The following EFR3A variants were observed in gnomAD, a reference collection of about 807,000 sequenced individuals.
EFR3A encodes EFR3 homolog A, also known as protein EFR3 homolog A.
In EFR3A, 76 loss-of-function variants were observed where a neutral mutation model predicts 104.4. The ratio of observed to expected loss-of-function variants is 0.73; its 90% CI spans 0.60 to 0.88. The LOEUF (loss-of-function observed/expected upper bound fraction) is 0.88. Among genes scored for constraint, EFR3A ranks in the 40% least tolerant of loss-of-function variants. The pLI is 0.00. For missense variants in EFR3A, 985 were observed against 1,012.5 expected, an observed-to-expected ratio of 0.97 and a Z score of 0.37; for synonymous variants, 330 against 330.0, an observed-to-expected ratio of 1.00 and a Z score of 0.00.
chr8:132,010,284 C>A (rs1822263047), intron 22 of EFR3A, among the ~76,000 whole-genome samples: 1 of 151,020 alleles, frequency 6.6e-6, no homozygotes, highest in South Asian at 2.1e-4. Context: ...AGACTATAAA[C>A]CAAGGTGACA....
chr8:131,997,647 A>G (rs527274368), intron 19 of EFR3A, among the ~76,000 whole-genome samples: 2 of 152,174 alleles, frequency 1.3e-5, no homozygotes, highest in Admixed American at 1.3e-4. Flanking sequence ...TTTAATTTAT[A>G]CACTCCTTAC....
At chr8:131,977,477 C>G (rs1169624437) in intron 12 of EFR3A, among the ~76,000 whole-genome samples, 1 of 151,758 alleles carries the variant, frequency 6.6e-6, no homozygotes, top group African/African-American at 2.4e-5. Context: ...TCATACTGAC[C>G]AAATAATTGC....
At chr8:131,924,720 A>T (rs1586542847) in intron 1 of EFR3A, among the ~76,000 whole-genome samples, 1 of 152,264 alleles carries the variant, frequency 6.6e-6, no homozygotes, top group Admixed American at 6.5e-5. Flanking sequence ...TGTCCTAATC[A>T]GTCCAACTCA....
intron 1 of EFR3A, among the ~76,000 whole-genome samples, chr8:131,906,897 TAAG>T (rs1313601645): frequency 1.1e-4 from 17 of 152,342 alleles, no homozygotes; most frequent in East Asian, 1.9e-4. Flanking sequence ...AAAGGACCAT[TAAG>T]AAGCGTTTTA....
At chr8:131,952,213 G>A (rs1049109497) in intron 5 of EFR3A, among the ~76,000 whole-genome samples, 1 of 152,072 alleles carries the variant, frequency 6.6e-6, no homozygotes, top group Non-Finnish European at 1.5e-5. Context: ...CTAACACTGA[G>A]TGCTTTCTGT....
In EFR3A at chr8:131,944,914, T is replaced by C. The variant is rs750346436; in HGVS notation, c.215+42T>C. 1.4e-5 allele frequency: 23 copies of C among 1,588,248 alleles called. No individual in the cohort carries two copies. In the East Asian group the frequency reaches 5.2e-4, roughly 36 times the overall value. ...CTGCTAAAATAGTATCTTTGGAAAA[T>C]TCTTTCTAGACTTTTAAATCATTCT... On this transcript the variant is annotated intron_variant, in intron 3 of 22. Coordinates refer to ENST00000254624, the MANE Select transcript of EFR3A (RefSeq NM_015137.6).
chr8:131,988,181 TGTGAA>T (rs370905700), intron 18 of EFR3A, among the ~76,000 whole-genome samples: 51,091 of 151,780 alleles, frequency 0.34, 8,977 homozygotes, highest in East Asian at 0.61. Context: ...ATATTTTCTC[TGTGAA>T]CTATATATTT....
At chr8:131,963,546 C>T (rs1053903771) in intron 8 of EFR3A, among the ~76,000 whole-genome samples, 1 of 152,100 alleles carries the variant, frequency 6.6e-6, no homozygotes, top group Non-Finnish European at 1.5e-5. Context: ...CTGAATAGAC[C>T]AATAACAGGC....
At chr8:131,961,872 T>C (rs925935661) in intron 8 of EFR3A, among the ~76,000 whole-genome samples, 92 of 152,260 alleles carry the variant, frequency 6.0e-4, no homozygotes, top group South Asian at 1.7e-3. Flanking sequence ...TGGCAGAAAC[T>C]CTACAAGCCA....
chr8:131,945,948 G>C (rs557324791), intron 3 of EFR3A, among the ~76,000 whole-genome samples: 1 of 151,836 alleles, frequency 6.6e-6, no homozygotes, highest in Non-Finnish European at 1.5e-5. Flanking sequence ...CCCTGCCCTC[G>C]CAACCGCACT....
At chr8:131,921,827 A>G (rs1392897628) in intron 1 of EFR3A, among the ~76,000 whole-genome samples, 2 of 152,188 alleles carry the variant, frequency 1.3e-5, no homozygotes, top group Admixed American at 1.3e-4. Flanking sequence ...ACCTGAAGTC[A>G]TTTTGGCATT....
At chr8:131,990,301 CTAT>C in intron 18 of EFR3A, among the ~76,000 whole-genome samples, 1 of 152,254 alleles carries the variant, frequency 6.6e-6, no homozygotes, top group African/African-American at 2.4e-5. Flanking sequence ...GACTATTCAG[CTAT>C]TATTAGGGAC....
At chr8:131,959,525 T>A in intron 7 of EFR3A, 60 bp from the exon 8 acceptor site, 1 of 1,397,324 alleles carries the variant, frequency 7.2e-7, no homozygotes, top group African/African-American at 1.4e-5. Context: ...TTGTTGAGGT[T>A]TCTAGAGGAA....
At chr8:131,969,951 A>T (rs1179107665) in intron 9 of EFR3A, among the ~76,000 whole-genome samples, 1 of 152,214 alleles carries the variant, frequency 6.6e-6, no homozygotes, top group Non-Finnish European at 1.5e-5. Context: ...ATAGAAACAC[A>T]TGCAGAGGAT....
At chr8:131,987,745 A>T (rs561614824) in intron 18 of EFR3A, 43 bp downstream of exon 18, 13 of 1,535,040 alleles carry the variant, frequency 8.5e-6, no homozygotes, top group South Asian at 3.8e-5. Flanking sequence ...GTGATTGCTT[A>T]TGTTATAGTA....
intron 11 of EFR3A, 27 bp downstream of exon 11, chr8:131,976,168 C>T: frequency 7.3e-7 from 1 of 1,375,240 alleles, no homozygotes; most frequent in Non-Finnish European, 1.0e-6. Context: ...TAAATTTGAA[C>T]TTAATCTTGA....
intron 8 of EFR3A, among the ~76,000 whole-genome samples, chr8:131,963,191 G>A (rs1819493819): frequency 6.6e-6 from 1 of 152,178 alleles, no homozygotes; most frequent in South Asian, 2.1e-4. Flanking sequence ...ACATTCAAAA[G>A]CTAGCAGAAG....
chr8:131,991,696 T>G (rs1422533803), intron 18 of EFR3A, among the ~76,000 whole-genome samples: 1 of 152,134 alleles, frequency 6.6e-6, no homozygotes, highest in Non-Finnish European at 1.5e-5. Flanking sequence ...GGAATGGCTT[T>G]AGACAGTTCT....
At chr8:131,940,611 C>A in intron 2 of EFR3A, 36 bp downstream of exon 2, 1 of 1,577,210 alleles carries the variant, frequency 6.3e-7, no homozygotes, top group Non-Finnish European at 8.6e-7. Context: ...CTTCTCTTTG[C>A]TGACCCATTC....
Sources: allele counts gnomAD v4.1 joint callset (sites outside exome capture counted in the v4.1 genomes callset), GRCh38; gene constraint gnomAD v4.1.1; transcripts MANE v1.5; gene names NCBI Gene and HGNC (gene_info 2026-07-23, HGNC 2026-07-21).